Variants in UNC79 observed in about 807,000 individuals in gnomAD.
The protein encoded by UNC79 is unc-79 subunit of NALCN channel complex, also known as protein unc-79 homolog.
A neutral mutation model predicts 283.1 loss-of-function variants in UNC79; 37 were observed. The ratio of observed to expected loss-of-function variants is 0.13; its 90% confidence interval spans 0.10 to 0.17. The LOEUF (loss-of-function observed/expected upper bound fraction) is 0.17. UNC79 is among the 10% of genes least tolerant of loss of function. The pLI is 1.00. For synonymous variants in UNC79, 1,107 were observed against 1,200.2 expected, an observed-to-expected ratio of 0.92 and a Z score of 1.61; for missense variants, 2,272 against 3,211.1, an observed-to-expected ratio of 0.71 and a Z score of 7.07.
intron 1 of UNC79, among the ~76,000 whole-genome samples, chr14:93,452,286 ACT>A: frequency 6.6e-6 from 1 of 152,014 alleles, no homozygotes; most frequent in African/African-American, 2.4e-5. Flanking sequence ...TGTCTTGTGC[ACT>A]GTTACATCCC....
At chr14:93,561,400 T>C (rs1595874181) in intron 14 of UNC79, among the ~76,000 whole-genome samples, 2 of 152,252 alleles carry the variant, frequency 1.3e-5, no homozygotes, top group East Asian at 3.9e-4. Context: ...TGGACCTGTC[T>C]AGAAAGTAAA....
chr14:93,630,935 A>T, intron 31 of UNC79, 27 bp downstream of exon 33: 1 of 1,591,940 alleles, frequency 6.3e-7, no homozygotes, highest in Non-Finnish European at 8.6e-7. Context: ...TGATTATTTC[A>T]TCTATGCATT....
At chr14:93,600,484 T>C in intron 24 of UNC79, 85 bp from the exon 25 acceptor site, 2 of 918,598 alleles carry the variant, frequency 2.2e-6, no homozygotes, top group Non-Finnish European at 3.3e-6. Context: ...TTCATTGACT[T>C]TGCCTAGTAT....
chr14:93,591,137 T>C (rs2064643726), intron 22 of UNC79, among the ~76,000 whole-genome samples: 1 of 152,200 alleles, frequency 6.6e-6, no homozygotes, highest in South Asian at 2.1e-4. Flanking sequence ...ATATGGCATT[T>C]AAAAAATCAC....
intron 1 of UNC79, among the ~76,000 whole-genome samples, chr14:93,345,635 A>T (rs956108712): frequency 3.9e-5 from 6 of 152,192 alleles, no homozygotes; most frequent in Non-Finnish European, 1.5e-5. Flanking sequence ...ATGTAGAACA[A>T]GGGACAAAAC....
At chr14:93,584,863 G>A (rs112891468) in intron 20 of UNC79, among the ~76,000 whole-genome samples, 5,522 of 140,276 alleles carry the variant, frequency 0.039, 332 homozygotes, top group African/African-American at 0.14. Context: ...CTCTGGCTAA[G>A]TTTTTTTTTT....
In UNC79 at chr14:93,624,091, C is replaced by T. The variant is rs149227144; in HGVS notation, c.5608+1250C>T. Among the ~76,000 whole-genome samples the T allele has an allele frequency of 3.8e-3, 581 of 152,244 alleles. 4 individuals carry two copies. Among genetic ancestry groups the T allele is most frequent in the Admixed American group, 5.1e-3 (78 of 15,294 alleles). ...GGATGCACCAGGTCACATGGCCAGA[C>T]AGAAGCAGTGCCTGATTCCAGTCAC... On this transcript the variant is annotated intron_variant, in intron 30 of 48. Transcript: ENST00000555664.
intron 16 of UNC79, among the ~76,000 whole-genome samples, chr14:93,574,007 AAAACAAAC>A (rs918361001): frequency 6.6e-6 from 1 of 152,230 alleles, no homozygotes; most frequent in Admixed American, 6.5e-5. Context: ...CCTGTCTCAA[AAAACAAAC>A]AAACAAACAA....
intron 1 of UNC79, among the ~76,000 whole-genome samples, chr14:93,466,529 T>C (rs980167198): frequency 4.6e-5 from 7 of 152,234 alleles, no homozygotes; most frequent in Admixed American, 4.6e-4. Context: ...GGAAGAGGTC[T>C]CTAAGGTCCT....
chr14:93,388,402 A>G (rs2054821317), intron 1 of UNC79, among the ~76,000 whole-genome samples: 1 of 152,104 alleles, frequency 6.6e-6, no homozygotes, highest in Admixed American at 6.5e-5. Flanking sequence ...CCTTCAGACA[A>G]AGTTGAAAGA....
chr14:93,433,133 C>T (rs1055043058), intron 1 of UNC79, among the ~76,000 whole-genome samples: 4 of 152,118 alleles, frequency 2.6e-5, no homozygotes, highest in South Asian at 4.2e-4. Flanking sequence ...TTGTGAGACA[C>T]GGGGCAATTA....
At chr14:93,388,204 TG>T (rs1490623634) in intron 1 of UNC79, among the ~76,000 whole-genome samples, 1 of 152,142 alleles carries the variant, frequency 6.6e-6, no homozygotes, top group Non-Finnish European at 1.5e-5. Flanking sequence ...CTGGAACTCT[TG>T]GGCTCAAGCG....
At chr14:93,698,405 A>T (rs1428148400) in intron 47 of UNC79, among the ~76,000 whole-genome samples, 5 of 144,754 alleles carry the variant, frequency 3.5e-5, no homozygotes, top group Non-Finnish European at 6.0e-5. Context: ...TAGGATTGCT[A>T]TATTTTCCTA....
At chr14:93,477,798 A>C in intron 4 of UNC79, 70 bp downstream of exon 4, 1 of 1,460,210 alleles carries the variant, frequency 6.8e-7, no homozygotes, top group Admixed American at 2.0e-5. Flanking sequence ...TTTTGCTGTT[A>C]TAGGCTCTAG....
intron 1 of UNC79, among the ~76,000 whole-genome samples, chr14:93,369,086 G>T (rs1189220341): frequency 6.6e-6 from 1 of 152,182 alleles, no homozygotes; most frequent in East Asian, 1.9e-4. Flanking sequence ...GAAGTAAGGT[G>T]GAGGAAGACG....
At chr14:93,663,085 T>A (rs749085916) in intron 40 of UNC79, among the ~76,000 whole-genome samples, 1 of 152,212 alleles carries the variant, frequency 6.6e-6, no homozygotes, top group Non-Finnish European at 1.5e-5. Context: ...ATATCATTTT[T>A]ATACCCAAAG....
At chr14:93,334,537 C>T (rs1311680235) in intron 1 of UNC79, 3 of 152,220 alleles carry the variant, frequency 2.0e-5, no homozygotes, top group Admixed American at 2.0e-4. Context: ...GAGTGTCCAC[C>T]TCTTGTTCCA....
intron 26 of UNC79, among the ~76,000 whole-genome samples, chr14:93,605,197 C>T (rs1192158344): frequency 6.6e-6 from 1 of 152,140 alleles, no homozygotes; most frequent in Non-Finnish European, 1.5e-5. Flanking sequence ...AGCATCATAT[C>T]ACCTGAGTCT....
chr14:93,598,010 C>CT (rs1056451262), intron 24 of UNC79, among the ~76,000 whole-genome samples: 27 of 151,494 alleles, frequency 1.8e-4, no homozygotes, highest in African/African-American at 4.6e-4. Context: ...GTTGATGCCA[C>CT]TTTTTTTTTA....
Sources: allele counts gnomAD v4.1 joint callset (sites outside exome capture counted in the v4.1 genomes callset), GRCh38; gene constraint gnomAD v4.1.1; transcripts MANE v1.5; gene names NCBI Gene and HGNC (gene_info 2026-07-23, HGNC 2026-07-21).